Variants in RNF144A observed in about 807,000 individuals in gnomAD.
RNF144A encodes E3 ubiquitin-protein ligase RNF144A.
A neutral mutation model predicts 38.7 loss-of-function variants in RNF144A; 11 were observed. The observed-to-expected ratio is 0.28, with a 90% CI of 0.18 to 0.47. The LOEUF (loss-of-function observed/expected upper bound fraction) is 0.47, where lower values mean the gene tolerates loss of function less well. RNF144A is among the 20% of genes least tolerant of loss of function. RNF144A has a pLI of 0.99. For missense variants in RNF144A, 316 were observed against 377.2 expected (o/e 0.84, Z 1.34); for synonymous variants, 149 against 143.9 (o/e 1.04, Z -0.25).
chr2:6,953,925 A>G lies in RNF144A; in HGVS notation c.-12+12778A>G, dbSNP rs533764125. ...TATATTTTGAAGTTATTTGTTGTATACAAACTTAAAATTTATGGATTCTTA... is the reference window on the plus strand; with the variant it reads ...TATATTTTGAAGTTATTTGTTGTATGCAAACTTAAAATTTATGGATTCTTA... On this transcript the variant is annotated intron_variant, in intron 2 of 8. Transcript: ENST00000320892. Among the ~76,000 whole-genome samples the G allele has an allele frequency of 7.2e-5, 11 of 152,290 alleles. No individual in the cohort carries two copies. In the East Asian group the frequency reaches 2.1e-3, roughly 29 times the overall value.
In RNF144A at chr2:7,065,734, C is replaced by A. The variant is rs191880810; in HGVS notation, c.735-2482C>A. On this transcript the variant is annotated intron_variant, in intron 6 of 6. Transcript: ENST00000432850. Reference sequence around the variant, plus strand: ...TTTTAAGTCTTTTGTTATTTATGGACAGTTATTATTTTACTTTGGTTCTTC... The same window carrying A: ...TTTTAAGTCTTTTGTTATTTATGGAAAGTTATTATTTTACTTTGGTTCTTC... Among the ~76,000 whole-genome samples the A allele has an allele frequency of 6.6e-4, 100 of 152,288 alleles. 1 individual carries two copies. Among genetic ancestry groups the A allele is most frequent in the Middle Eastern group, 6.8e-3 (2 of 294 alleles).
intron 6 of RNF144A, among the ~76,000 whole-genome samples, chr2:7,058,754 G>C (rs1673839524): frequency 6.6e-6 from 1 of 152,084 alleles, no homozygotes; most frequent in Non-Finnish European, 1.5e-5. Context: ...TATTGCAGTT[G>C]GTAGACATAT....
chr2:7,042,236 C>T lies in RNF144A; in HGVS notation c.*2476C>T. Reference sequence around the variant, plus strand: ...TCTTTGATGGGAATACAGTATGAACCCTGCTTGATGTAAAATGGAAATAGC... The same window carrying T: ...TCTTTGATGGGAATACAGTATGAACTCTGCTTGATGTAAAATGGAAATAGC... On this transcript the variant is annotated 3_prime_UTR_variant, in exon 9 of 9. Transcript: ENST00000320892. The T allele has an allele frequency of 1.0e-6, 1 of 985,392 alleles. No homozygotes were observed. The highest frequency in any genetic ancestry group is 1.7e-5 in the African/African-American group (1 of 57,326). 61.0% of individuals were successfully genotyped at this position (985,392 alleles called of 1,614,324 possible). A position where few individuals can be genotyped will look rare whatever the true frequency, so the allele number is the denominator to read the frequency against.
At chr2:7,001,479 C>T (rs988053614) in intron 3 of RNF144A, among the ~76,000 whole-genome samples, 52 of 152,050 alleles carry the variant, frequency 3.4e-4, no homozygotes, top group Non-Finnish European at 6.5e-4. Context: ...GAGTTTGAGA[C>T]AATCCTGGGC....
chr2:6,988,430 C>T (rs980856792), intron 2 of RNF144A, among the ~76,000 whole-genome samples: 1 of 152,188 alleles, frequency 6.6e-6, no homozygotes, highest in Non-Finnish European at 1.5e-5. Context: ...GACAGTTTCT[C>T]AGGCTTCCAC....
chr2:6,954,398 A>G (rs1231808347), intron 2 of RNF144A, among the ~76,000 whole-genome samples: 2 of 152,108 alleles, frequency 1.3e-5, no homozygotes, highest in African/African-American at 4.8e-5. Flanking sequence ...GTTTCTAAAA[A>G]CCCTAAGAGC....
chr2:6,936,961 G>T (rs773732412), intron 1 of RNF144A, among the ~76,000 whole-genome samples: 10 of 151,886 alleles, frequency 6.6e-5, no homozygotes, highest in Non-Finnish European at 1.5e-4. Context: ...TCACCTTGTT[G>T]TCACTCCTAT....
intron 2 of RNF144A, among the ~76,000 whole-genome samples, chr2:6,964,641 T>TA (rs960500645): frequency 6.6e-6 from 1 of 152,130 alleles, no homozygotes; most frequent in South Asian, 2.1e-4. Context: ...TACGCAGCCA[T>TA]AAAAAATGAT....
intron 1 of RNF144A, chr2:6,918,175 C>T (rs1002303012): frequency 2.0e-5 from 3 of 152,260 alleles, no homozygotes; most frequent in African/African-American, 7.2e-5. Flanking sequence ...CCCGCACATC[C>T]CCTGCGCGCG....
intron 6 of RNF144A, among the ~76,000 whole-genome samples, chr2:7,050,251 G>A (rs1177528609): frequency 6.6e-6 from 1 of 152,122 alleles, no homozygotes; most frequent in Non-Finnish European, 1.5e-5. Context: ...TCCCCATATT[G>A]TTCTCGTGGT....
chr2:7,019,264 G>T (rs561000763), intron 5 of RNF144A, among the ~76,000 whole-genome samples: 108 of 152,314 alleles, frequency 7.1e-4, no homozygotes, highest in African/African-American at 2.5e-3. Flanking sequence ...ATACGTATGC[G>T]TGTGCACCGT....
At position 7,016,553 on chromosome 2, in the gene RNF144A, TA is replaced by T. The variant is rs35948851; in HGVS notation, c.301+1793del. Among the ~76,000 whole-genome samples, 255 of 146,788 alleles carry T rather than the reference TA, an allele frequency of 1.7e-3. 1 individual carries two copies. Among genetic ancestry groups the T allele is most frequent in the South Asian group, 6.2e-3 (29 of 4,690 alleles). On this transcript the variant is annotated intron_variant, in intron 5 of 8. Coordinates refer to ENST00000320892, the MANE Select transcript of RNF144A (RefSeq NM_014746.6). Reference sequence around the variant, plus strand: ...AACATGAAGCCAACTTGGCTTCTGTTAAAAAAAAAAAATCTCTCAAGCCTCT... The same window carrying T: ...AACATGAAGCCAACTTGGCTTCTGTTAAAAAAAAAAATCTCTCAAGCCTCT...
chr2:7,024,980 G>T (rs532254616), intron 7 of RNF144A, among the ~76,000 whole-genome samples: 2 of 151,702 alleles, frequency 1.3e-5, no homozygotes, highest in Admixed American at 6.6e-5. Context: ...GGATAGTGAG[G>T]ACAGACAGAA....
intron 8 of RNF144A, among the ~76,000 whole-genome samples, chr2:7,036,430 T>G (rs529945173): frequency 1.3e-5 from 2 of 152,226 alleles, no homozygotes; most frequent in Non-Finnish European, 2.9e-5. Context: ...CAGTGATAGT[T>G]TCAGAGACTG....
chr2:6,972,108 C>T (rs1355441955), intron 2 of RNF144A, among the ~76,000 whole-genome samples: 1 of 152,144 alleles, frequency 6.6e-6, no homozygotes, highest in Admixed American at 6.5e-5. Context: ...CAAGCTGAAG[C>T]CACCTAAACC....
chr2:6,979,806 A>G (rs1668522710), intron 2 of RNF144A, among the ~76,000 whole-genome samples: 1 of 152,226 alleles, frequency 6.6e-6, no homozygotes, highest in Non-Finnish European at 1.5e-5. Context: ...AATCTGTTAC[A>G]TGAAGATAAT....
At position 6,918,633 on chromosome 2, in the gene RNF144A, G is replaced by A. The variant is rs1362843080; in HGVS notation, c.-212+1011G>A. The stretch of plus-strand genomic sequence containing the variant: ...CAAAAAATTAGCCGGGCGCAGTGGC[G>A]GGCGCCTGTAGTCCCAGCTACTCGG... On this transcript the variant is annotated intron_variant, in intron 1 of 8. Coordinates refer to ENST00000320892, the MANE Select transcript of RNF144A (RefSeq NM_014746.6). 5 of 150,948 alleles carry A rather than the reference G, an allele frequency of 3.3e-5. 1 individual carries two copies. The South Asian group carries it at 8.5e-4, about 26-fold the overall frequency. The allele number at this position is 150,948 out of a possible 1,614,324, so 9.4% of individuals were successfully genotyped here. A position where few individuals can be genotyped will look rare whatever the true frequency, so the allele number is the denominator to read the frequency against.
At chr2:6,964,006 TGGCTCAGGAAAGA>T (rs1040892353) in intron 2 of RNF144A, among the ~76,000 whole-genome samples, 4 of 151,818 alleles carry the variant, frequency 2.6e-5, no homozygotes, top group Admixed American at 2.6e-4. Flanking sequence ...AGTAATGATG[TGGCTCAGGAAAGA>T]GGCATGAGGT....
intron 3 of RNF144A, among the ~76,000 whole-genome samples, chr2:7,011,989 T>C (rs4669126): frequency 0.33 from 49,968 of 152,086 alleles, 8,997 homozygotes; most frequent in African/African-American, 0.46. Flanking sequence ...CACTACTTGT[T>C]GCATATGGGT....
Sources: gnomAD v4.1 joint callset for allele counts (sites outside exome capture counted in the v4.1 genomes callset) on GRCh38, gnomAD v4.1.1 for gene constraint, MANE v1.5 for transcripts, NCBI Gene and HGNC (gene_info 2026-07-23, HGNC 2026-07-21) for gene names.